The following PTCHD4 variants were observed in gnomAD, a reference collection of about 807,000 sequenced individuals.
PTCHD4 encodes the protein patched domain containing 4.
Under a neutral mutation model 58.1 loss-of-function variants are expected in PTCHD4, and 33 were observed. The observed-to-expected ratio is 0.57, with a 90% confidence interval of 0.43 to 0.76. PTCHD4 has a LOEUF of 0.76. Among genes scored for constraint, PTCHD4 ranks in the 30% least tolerant of loss-of-function variants. The pLI, the probability that PTCHD4 is intolerant of heterozygous loss-of-function variation, is 0.00. For synonymous variants in PTCHD4, 478 were observed against 409.6 expected, an observed-to-expected ratio of 1.17 and a Z score of -2.02; for missense variants, 1,058 against 1,027.1, an observed-to-expected ratio of 1.03 and a Z score of -0.41.
In PTCHD4 at chr6:47,986,346, A is replaced by G. The variant is rs547792150; in HGVS notation, c.898+22288T>C. Among the ~76,000 whole-genome samples the G allele has an allele frequency of 1.4e-4, 22 of 152,292 alleles. No homozygotes were observed. In the South Asian group the frequency reaches 4.6e-3, roughly 32 times the overall value. ...TAAGTGTTCATCACTGGGACATTAT[A>G]AATGCTCAATATATTTTAGTTATTA... On this transcript the variant is annotated intron_variant, in intron 4 of 4. Transcript: ENST00000339488.
chr6:47,941,017 C>T lies in PTCHD4; in HGVS notation c.899-61081G>A, dbSNP rs796284399. Among the ~76,000 whole-genome samples, 41 of 152,260 alleles carry T rather than the reference C, an allele frequency of 2.7e-4. 1 individual carries two copies. Among genetic ancestry groups the T allele is most frequent in the African/African-American group, 9.9e-4 (41 of 41,544 alleles). ...TTATTACTTGGCCTGCCTACACAGC[C>T]ACCATATCAATTGTTCTGAAACAAA... On this transcript the variant is annotated intron_variant, in intron 4 of 4. Coordinates refer to ENST00000339488, the MANE Select transcript of PTCHD4 (RefSeq NM_001384253.1).
chr6:48,101,566 G>T (rs1015406222), intron 1 of PTCHD4, among the ~76,000 whole-genome samples: 1 of 152,202 alleles, frequency 6.6e-6, no homozygotes, highest in African/African-American at 2.4e-5. Flanking sequence ...GTCTTTTACA[G>T]TTGATGAGTG....
chr6:48,089,396 G>A lies in PTCHD4; in HGVS notation c.-969-19470C>T, dbSNP rs149989994. On this transcript the variant is annotated intron_variant, in intron 1 of 4. Coordinates refer to ENST00000339488, the MANE Select transcript of PTCHD4 (RefSeq NM_001384253.1). Reference sequence around the variant, plus strand: ...TGTGGGATAAAGAAGAATCACAATAGCGATAACCACACAGAAATTTTTGTT... The same window carrying A: ...TGTGGGATAAAGAAGAATCACAATAACGATAACCACACAGAAATTTTTGTT... Among the ~76,000 whole-genome samples the A allele has an allele frequency of 2.1e-3, 318 of 152,216 alleles. 1 individual carries two copies. The highest frequency in any genetic ancestry group is 6.5e-3 in the African/African-American group (271 of 41,542).
At chr6:48,093,837 T>C (rs1240188433) in intron 1 of PTCHD4, among the ~76,000 whole-genome samples, 1 of 152,126 alleles carries the variant, frequency 6.6e-6, no homozygotes, top group African/African-American at 2.4e-5. Context: ...AGCTTTTACA[T>C]CTCCTTTGAG....
At chr6:47,989,109 T>C (rs549065340) in intron 4 of PTCHD4, among the ~76,000 whole-genome samples, 1 of 152,166 alleles carries the variant, frequency 6.6e-6, no homozygotes, top group Non-Finnish European at 1.5e-5. Flanking sequence ...AGGTGACTCT[T>C]GTTATGTTTT....
chr6:47,961,847 A>T (rs1372802415), intron 4 of PTCHD4, among the ~76,000 whole-genome samples: 1 of 152,212 alleles, frequency 6.6e-6, no homozygotes, highest in Non-Finnish European at 1.5e-5. Flanking sequence ...CTCAGTTTCC[A>T]CTTTAGGAAA....
At chr6:47,975,637 C>T (rs80063122) in intron 4 of PTCHD4, among the ~76,000 whole-genome samples, 18,526 of 152,216 alleles carry the variant, frequency 0.12, 1,468 homozygotes, top group South Asian at 0.2. Flanking sequence ...CATGCATCCA[C>T]GTGTCACTAC....
At chr6:47,882,300 G>T (rs1490565217) in intron 4 of PTCHD4, among the ~76,000 whole-genome samples, 2 of 152,022 alleles carry the variant, frequency 1.3e-5, no homozygotes, top group Non-Finnish European at 2.9e-5. Context: ...ATGTAGGCCA[G>T]ATTTTTGCTT....
At chr6:48,101,379 A>T (rs777828958) in intron 1 of PTCHD4, among the ~76,000 whole-genome samples, 2 of 152,240 alleles carry the variant, frequency 1.3e-5, no homozygotes, top group African/African-American at 4.8e-5. Flanking sequence ...ACAGTTTAAC[A>T]TATGCTAAAG....
intron 3 of PTCHD4, among the ~76,000 whole-genome samples, chr6:48,048,727 C>T (rs542556580): frequency 6.6e-6 from 1 of 152,096 alleles, no homozygotes; most frequent in Non-Finnish European, 1.5e-5. Context: ...GCTGTGTTCT[C>T]TCCTAAATGC....
At chr6:47,904,301 T>A (rs1325036733) in intron 4 of PTCHD4, among the ~76,000 whole-genome samples, 2 of 152,206 alleles carry the variant, frequency 1.3e-5, no homozygotes, top group Admixed American at 6.5e-5. Flanking sequence ...TAAAGCTGTG[T>A]TTCTAGGCAT....
rs1301796085 is a variant in PTCHD4, at chr6:47,862,206, G to C, written c.*16097C>G. Among the ~76,000 whole-genome samples, 1 of 150,002 alleles carries C rather than the reference G, an allele frequency of 6.7e-6. No homozygotes were observed. The highest frequency in any genetic ancestry group is 6.7e-5 in the Admixed American group (1 of 14,864). ...CCTGATGGATTTTTAATGAATTATC[G>C]GTTTTGCCAATCATTACTTTTGTTG... On this transcript the variant is annotated 3_prime_UTR_variant, in exon 5 of 5. Transcript: ENST00000339488.
At position 47,859,087 on chromosome 6, in the gene PTCHD4, A is replaced by G. The variant is rs942338093; in HGVS notation, c.*19216T>C. On this transcript the variant is annotated 3_prime_UTR_variant, in exon 5 of 5. Transcript: ENST00000339488. The stretch of plus-strand genomic sequence containing the variant: ...GAGCATCAGATAATATATTTTATTC[A>G]CGCTTATGTCAGGGTAACTTTGTGT... 2.6e-5 allele frequency among the ~76,000 whole-genome samples: 4 copies of G among 152,022 alleles called. No individual in the cohort carries two copies. The highest frequency in any genetic ancestry group is 5.9e-5 in the Non-Finnish European group (4 of 67,956).
intron 4 of PTCHD4, among the ~76,000 whole-genome samples, chr6:47,894,421 C>G (rs1223459378): frequency 2.6e-5 from 4 of 152,208 alleles, no homozygotes; most frequent in Non-Finnish European, 1.5e-5. Flanking sequence ...ATGCCAGGTT[C>G]AGTCCCCATC....
At chr6:47,974,512 T>C (rs1767622512) in intron 4 of PTCHD4, among the ~76,000 whole-genome samples, 1 of 152,028 alleles carries the variant, frequency 6.6e-6, no homozygotes, top group African/African-American at 2.4e-5. Flanking sequence ...TGGGTTTTTG[T>C]TGTTGTGGGG....
At chr6:48,058,017 G>GA (rs1764474786) in intron 3 of PTCHD4, among the ~76,000 whole-genome samples, 1 of 152,126 alleles carries the variant, frequency 6.6e-6, no homozygotes, top group Admixed American at 6.5e-5. Context: ...AAATATATTT[G>GA]AAAAAAAGAC....
chr6:47,907,607 C>A (rs1369896283), intron 4 of PTCHD4, among the ~76,000 whole-genome samples: 1 of 152,220 alleles, frequency 6.6e-6, no homozygotes, highest in Non-Finnish European at 1.5e-5. Context: ...AAAGGCACAG[C>A]CAAAAAGTCC....
chr6:47,941,936 G>A (rs1195844353), intron 4 of PTCHD4, among the ~76,000 whole-genome samples: 2 of 152,152 alleles, frequency 1.3e-5, no homozygotes, highest in Non-Finnish European at 2.9e-5. Context: ...AATGCTTCAA[G>A]CATTACTAGA....
chr6:48,026,978 G>A (rs1034730486), intron 3 of PTCHD4, among the ~76,000 whole-genome samples: 1 of 151,508 alleles, frequency 6.6e-6, no homozygotes, highest in Admixed American at 6.6e-5. Flanking sequence ...AAAGATGAGA[G>A]CCAACTATTT....
Sources: allele counts gnomAD v4.1 joint callset (sites outside exome capture counted in the v4.1 genomes callset), GRCh38; gene constraint gnomAD v4.1.1; transcripts MANE v1.5; gene names NCBI Gene and HGNC (gene_info 2026-07-23, HGNC 2026-07-21).